PHACTR1: variants seen among roughly 807,000 people sequenced by gnomAD.
PHACTR1 encodes the protein phosphatase and actin regulator 1.
PHACTR1 carries 16 observed loss-of-function variants against 69.2 expected under a neutral mutation model. That is an observed-to-expected ratio of 0.23 (90% CI 0.16 to 0.35). The LOEUF is 0.35. PHACTR1 is among the 10% of genes least tolerant of loss of function. The pLI, the probability that PHACTR1 is intolerant of heterozygous loss-of-function variation, is 1.00. For synonymous variants in PHACTR1, 312 were observed against 284.5 expected (o/e 1.10, Z -0.97); for missense variants, 510 against 734.7 (o/e 0.69, Z 3.54).
At chr6:12,945,183 G>A (rs1304266722) in intron 4 of PHACTR1, among the ~76,000 whole-genome samples, 1 of 151,992 alleles carries the variant, frequency 6.6e-6, no homozygotes, top group Non-Finnish European at 1.5e-5. Flanking sequence ...ATTCCCATCT[G>A]ACTAACTCCT....
chr6:13,027,531 A>G (rs1801867663), intron 4 of PHACTR1, among the ~76,000 whole-genome samples: 1 of 139,504 alleles, frequency 7.2e-6, no homozygotes, highest in Non-Finnish European at 1.6e-5. Flanking sequence ...TTTGCTATTT[A>G]GTGTCCCAGA....
chr6:12,763,841 T>G (rs1768306912), intron 4 of PHACTR1, among the ~76,000 whole-genome samples: 1 of 152,204 alleles, frequency 6.6e-6, no homozygotes, highest in African/African-American at 2.4e-5. Context: ...ACCGTCACAG[T>G]ACTTTGTTAA....
At position 13,230,586 on chromosome 6, in the gene PHACTR1, A is replaced by ATCCCATT. The variant is rs1398322729; in HGVS notation, c.1391+395_1391+401dup. Among the ~76,000 whole-genome samples the ATCCCATT allele has an allele frequency of 5.3e-5, 8 of 150,670 alleles. No individual in the cohort carries two copies. The East Asian group carries it at 1.6e-3, about 29-fold the overall frequency. ...AAAAAAGGAAGAGACAATGGAAAAC[A>ATCCCATT]TCCCATTTTGTCTCCAAGGTTGTTT... On this transcript the variant is annotated intron_variant, in intron 10 of 14. Coordinates refer to ENST00000332995, the MANE Select transcript of PHACTR1 (RefSeq NM_030948.6).
At chr6:12,798,175 C>G (rs1455476748) in intron 4 of PHACTR1, among the ~76,000 whole-genome samples, 1 of 150,782 alleles carries the variant, frequency 6.6e-6, no homozygotes, top group Non-Finnish European at 1.5e-5. Context: ...TAAATATTCA[C>G]TAAATGAATG....
intron 4 of PHACTR1, among the ~76,000 whole-genome samples, chr6:13,046,459 T>C (rs1332878726): frequency 6.6e-6 from 1 of 151,480 alleles, no homozygotes; most frequent in East Asian, 1.9e-4. Context: ...TGGAGGAGGG[T>C]GGTGCACAGA....
At chr6:12,937,621 CAG>C (rs1345449797) in intron 4 of PHACTR1, among the ~76,000 whole-genome samples, 1 of 151,990 alleles carries the variant, frequency 6.6e-6, no homozygotes, top group African/African-American at 2.4e-5. Flanking sequence ...AAAGATAAAA[CAG>C]GGGCAAGGTC....
chr6:13,158,346 A>G (rs1758492796), intron 5 of PHACTR1, among the ~76,000 whole-genome samples: 1 of 152,046 alleles, frequency 6.6e-6, no homozygotes, highest in African/African-American at 2.4e-5. Flanking sequence ...GAACCCCCAC[A>G]CAAACACTGT....
chr6:13,129,171 A>G (rs1329733376), intron 5 of PHACTR1, among the ~76,000 whole-genome samples: 2 of 152,214 alleles, frequency 1.3e-5, no homozygotes, highest in East Asian at 1.9e-4. Flanking sequence ...ATCTTGAAAC[A>G]AAACCTCAAA....
At position 13,091,233 on chromosome 6, in the gene PHACTR1, G is replaced by A. The variant is rs567521206; in HGVS notation, c.415+37704G>A. On this transcript the variant is annotated intron_variant, in intron 5 of 14. Coordinates refer to ENST00000332995, the MANE Select transcript of PHACTR1 (RefSeq NM_030948.6). ...AGGCTGGTCTTGAATTCCTGACCTC[G>A]GGTGATCCACCCACCTCAGCCTCCC... is the stretch of plus-strand genomic sequence containing the variant. 4.8e-4 allele frequency among the ~76,000 whole-genome samples: 73 copies of A among 151,954 alleles called. 1 individual carries two copies. The South Asian group carries it at 0.015, about 30-fold the overall frequency.
Position 13,227,710 on chromosome 6 carries a change from C to T in PHACTR1, c.987-106C>T, listed in dbSNP as rs938189092. The stretch of plus-strand genomic sequence containing the variant: ...ATGGAACTTTACTTGCCCAGTAGAC[C>T]CTTTGTCTCTTAGGACTGGGCAACT... On this transcript the variant is annotated intron_variant, in intron 8 of 14. Coordinates refer to ENST00000332995, the MANE Select transcript of PHACTR1 (RefSeq NM_030948.6). 9.9e-6 allele frequency: 14 copies of T among 1,412,398 alleles called. No individual in the cohort carries two copies. In the African/African-American group the frequency reaches 2.0e-4, roughly 20 times the overall value. The allele number at this position is 1,412,398 out of a possible 1,614,324, so 87.5% of individuals were successfully genotyped here.
In PHACTR1 at chr6:12,820,793, T is replaced by C. The variant is rs576866734; in HGVS notation, c.250+71003T>C. ...ACATATTCAAGTGTACCTCTTCTGA[T>C]TGAGAAAAGAAGCTGAGTTGCTAAG... On this transcript the variant is annotated intron_variant, in intron 4 of 14. Transcript: ENST00000332995. 3.9e-5 allele frequency among the ~76,000 whole-genome samples: 6 copies of C among 152,294 alleles called. No homozygotes were observed. The East Asian group carries it at 7.7e-4, about 20-fold the overall frequency.
chr6:13,218,790 A>G (rs530085060), intron 8 of PHACTR1, among the ~76,000 whole-genome samples: 122 of 149,958 alleles, frequency 8.1e-4, no homozygotes, highest in African/African-American at 2.0e-3. Context: ...GAAGAAGAAG[A>G]AGGAGGAGGA....
At chr6:12,852,225 AT>A (rs1779901176) in intron 4 of PHACTR1, among the ~76,000 whole-genome samples, 2 of 152,322 alleles carry the variant, frequency 1.3e-5, no homozygotes, top group South Asian at 4.1e-4. Context: ...GTACCAGTAA[AT>A]TGACGAGGGC....
intron 4 of PHACTR1, among the ~76,000 whole-genome samples, chr6:13,010,462 A>G (rs1018191711): frequency 3.3e-5 from 5 of 152,176 alleles, no homozygotes; most frequent in African/African-American, 1.2e-4. Context: ...TGAGATCAAG[A>G]GTCCTATCCA....
intron 5 of PHACTR1, among the ~76,000 whole-genome samples, chr6:13,110,553 C>T (rs1357776062): frequency 6.6e-6 from 1 of 152,190 alleles, no homozygotes; most frequent in Admixed American, 6.6e-5. Flanking sequence ...GTGCCGCTTT[C>T]TCCTCTCTAG....
chr6:12,737,395 T>C (rs1764407918), intron 3 of PHACTR1, among the ~76,000 whole-genome samples: 1 of 94,646 alleles, frequency 1.1e-5, no homozygotes, highest in African/African-American at 4.7e-5. Context: ...AGATATTGTT[T>C]TATACACACA....
At chr6:12,913,253 G>A (rs1786604907) in intron 4 of PHACTR1, among the ~76,000 whole-genome samples, 1 of 152,216 alleles carries the variant, frequency 6.6e-6, no homozygotes, top group Admixed American at 6.5e-5. Context: ...AGCCTGTGAG[G>A]CTAGGCTGTC....
At chr6:12,885,767 G>C (rs1243240294) in intron 4 of PHACTR1, among the ~76,000 whole-genome samples, 1 of 152,172 alleles carries the variant, frequency 6.6e-6, no homozygotes, top group East Asian at 1.9e-4. Context: ...CAGGCACACG[G>C]AATAAGATCT....
rs141896313 is a variant in PHACTR1, at chr6:13,262,725, C to G, written c.1392-10135C>G. Among the ~76,000 whole-genome samples the G allele has an allele frequency of 1.5e-3, 229 of 152,316 alleles. 1 individual carries two copies. The highest frequency in any genetic ancestry group is 2.5e-3 in the Non-Finnish European group (169 of 68,026). On this transcript the variant is annotated intron_variant, in intron 10 of 14. Transcript: ENST00000332995. ...CCTGATCCCACCAAGCCCATCTACA[C>G]TTCTGGATACCTGTTAGAAAACCCC...
Sources: gnomAD v4.1 joint callset for allele counts (sites outside exome capture counted in the v4.1 genomes callset) on GRCh38, gnomAD v4.1.1 for gene constraint, MANE v1.5 for transcripts, NCBI Gene and HGNC (gene_info 2026-07-23, HGNC 2026-07-21) for gene names.